Variants in EML5 observed in about 807,000 individuals in gnomAD.
EML5 encodes echinoderm microtubule-associated protein-like 5.
In EML5, 120 loss-of-function variants were observed where a neutral mutation model predicts 250.0. The ratio of observed to expected loss-of-function variants is 0.48; its 90% CI spans 0.41 to 0.56. The LOEUF is 0.56. EML5 is among the 20% of genes least tolerant of loss of function. EML5 has a pLI of 0.00. For synonymous variants in EML5, 771 were observed against 806.5 expected (o/e 0.96, Z 0.75); for missense variants, 2,006 against 2,437.6 (o/e 0.82, Z 3.73).
At chr14:88,643,072 T>C in intron 30 of EML5, 50 bp from the exon 31 acceptor site, 2 of 1,510,874 alleles carry the variant, frequency 1.3e-6, no homozygotes, top group East Asian at 2.5e-5. Flanking sequence ...GTATAAATGT[T>C]CACCACTGTT....
intron 8 of EML5, among the ~76,000 whole-genome samples, chr14:88,719,683 T>C (rs972278151): frequency 6.6e-5 from 10 of 152,136 alleles, no homozygotes; most frequent in Non-Finnish European, 1.0e-4. Context: ...CTTTTTTTTT[T>C]TTAAACAGAA....
At chr14:88,644,042 A>G (rs1479138072) in intron 30 of EML5, among the ~76,000 whole-genome samples, 2 of 152,192 alleles carry the variant, frequency 1.3e-5, no homozygotes, top group African/African-American at 4.8e-5. Context: ...AACCCTGTAC[A>G]GTGAATATAT....
intron 8 of EML5, among the ~76,000 whole-genome samples, chr14:88,716,895 C>T (rs1345251304): frequency 2.6e-5 from 4 of 152,086 alleles, no homozygotes; most frequent in Admixed American, 6.6e-5. Flanking sequence ...AAAGCAAAGA[C>T]GACAACTATT....
intron 7 of EML5, among the ~76,000 whole-genome samples, chr14:88,728,328 G>A (rs78025496): frequency 1.2e-5 from 1 of 83,118 alleles, no homozygotes; most frequent in Non-Finnish European, 2.7e-5. Context: ...TAATGCACCA[G>A]TTAGAAGCAC....
intron 36 of EML5, 153 bp downstream of exon 36, chr14:88,624,817 A>T: frequency 1.2e-6 from 1 of 836,728 alleles, no homozygotes; most frequent in Non-Finnish European, 1.8e-6. Context: ...AGAATCAAAT[A>T]GAAGGCACAT....
chr14:88,644,490 T>A lies in EML5; in HGVS notation c.4050A>T (p.Pro1350=). ...TTGTCTGGAGTTTCTCTGGCTGTGG[T>A]GGGGCCCTGCTCACTGGAGGCCTGC... ...RGSRPPVSRA[P]PQPEKLQTNN... is the part of the protein sequence containing the mutation. Residue 1350 remains proline (P), a synonymous_variant, in exon 30 of 44, where the codon CCA becomes CCT. Transcript: ENST00000554922. The A allele has an allele frequency of 1.2e-6, 2 of 1,613,706 alleles. No individual in the cohort carries two copies. Among genetic ancestry groups the A allele is most frequent in the Non-Finnish European group, 1.7e-6 (2 of 1,179,766 alleles).
chr14:88,638,648 C>CT (rs2090875633), intron 32 of EML5, among the ~76,000 whole-genome samples, 161 bp downstream of exon 32: 1 of 152,152 alleles, frequency 6.6e-6, no homozygotes. Context: ...AGAAAGGTAC[C>CT]TGAAAGCAAA....
chr14:88,735,800 T>C (rs542865406), intron 7 of EML5, among the ~76,000 whole-genome samples: 78 of 152,266 alleles, frequency 5.1e-4, no homozygotes, highest in Non-Finnish European at 1.8e-4. Flanking sequence ...GTTGAATAAA[T>C]TACAGTATAT....
rs767354957 is a variant in EML5, at chr14:88,736,520, A to G, written c.893T>C (p.Val298Ala). The change falls in exon 7 of 44, where the codon GTT becomes GCT. Residue 298 changes from valine to alanine, a missense_variant. Physicochemically the swap from Val to Ala is moderately conservative, Grantham distance 64. Coordinates refer to ENST00000554922, the MANE Select transcript of EML5 (RefSeq NM_183387.3). ...SVCWRGDHILVGTQDSEIFEI... is the reference protein window; with the variant it reads ...SVCWRGDHILAGTQDSEIFEI... ...AAAAATTTCACTGTCCTGTGTTCCA[A>G]CTAGAATGTGGTCACCTCGCCAACA... 5.0e-6 allele frequency: 8 copies of G among 1,613,902 alleles called. No homozygotes were observed. In the Admixed American group the frequency reaches 8.3e-5, roughly 17 times the overall value.
At chr14:88,739,903 C>A (rs779951316) in intron 5 of EML5, among the ~76,000 whole-genome samples, 5 of 152,184 alleles carry the variant, frequency 3.3e-5, no homozygotes, top group Non-Finnish European at 5.9e-5. Context: ...AACAACATGG[C>A]AGCTTTGTGC....
chr14:88,652,080 C>T (rs372383945), intron 27 of EML5, among the ~76,000 whole-genome samples: 25 of 152,280 alleles, frequency 1.6e-4, no homozygotes, highest in African/African-American at 3.4e-4. Context: ...TTGCACTATA[C>T]GATGCTGCAT....
chr14:88,636,180 G>A (rs891158508), intron 32 of EML5, among the ~76,000 whole-genome samples: 4 of 152,110 alleles, frequency 2.6e-5, no homozygotes, highest in Admixed American at 1.3e-4. Flanking sequence ...GAGGACAGAC[G>A]CAGAGAAAAG....
chr14:88,613,198 G>A lies in EML5; in HGVS notation c.*2620C>T, dbSNP rs2087077865. The A allele has an allele frequency of 6.6e-6, 1 of 152,160 alleles. No individual in the cohort carries two copies. Among genetic ancestry groups the A allele is most frequent in the Non-Finnish European group, 1.5e-5 (1 of 68,050 alleles). 9.4% of individuals were successfully genotyped at this position (152,160 alleles called of 1,614,324 possible). A position where few individuals can be genotyped will look rare whatever the true frequency, so the allele number is the denominator to read the frequency against. ...CCCACAGGAAAGGCTTGAAACACGA[G>A]AAGCAGCAAAGACAGAGCACACAAG... On this transcript the variant is annotated 3_prime_UTR_variant, in exon 44 of 44. Coordinates refer to ENST00000554922, the MANE Select transcript of EML5 (RefSeq NM_183387.3).
chr14:88,746,373 A>G, intron 2 of EML5, 90 bp from the exon 3 acceptor site: 2 of 1,026,666 alleles, frequency 1.9e-6, no homozygotes, highest in East Asian at 2.4e-5. Context: ...AATTATACTC[A>G]TGGGTTTTTA....
intron 33 of EML5, chr14:88,628,069 A>G (rs2090150192): frequency 2.0e-6 from 1 of 504,914 alleles, no homozygotes; most frequent in Non-Finnish European, 3.6e-6. Context: ...TTTTGGAAAA[A>G]CAGCATTTAG....
intron 21 of EML5, among the ~76,000 whole-genome samples, chr14:88,672,541 C>A (rs1160048495): frequency 1.3e-5 from 2 of 151,622 alleles, no homozygotes; most frequent in African/African-American, 4.8e-5. Context: ...AAGAAATAAC[C>A]AAGATCAGAG....
intron 1 of EML5, among the ~76,000 whole-genome samples, chr14:88,783,176 T>A (rs1213044365): frequency 6.6e-6 from 1 of 152,210 alleles, no homozygotes; most frequent in East Asian, 1.9e-4. Context: ...ATGGAGAACC[T>A]CTGCTAGGGA....
At chr14:88,616,291 T>G (rs1369375232) in intron 42 of EML5, 49 bp from the exon 43 acceptor site, 1 of 1,543,020 alleles carries the variant, frequency 6.5e-7, no homozygotes, top group East Asian at 2.2e-5. Flanking sequence ...CACACAGAAG[T>G]CAAAGGCTCT....
intron 31 of EML5, among the ~76,000 whole-genome samples, chr14:88,642,416 T>C (rs1012997184): frequency 1.3e-5 from 2 of 152,184 alleles, no homozygotes; most frequent in Non-Finnish European, 2.9e-5. Context: ...GGTATCATCA[T>C]AGAGCCACAG....
Sources: allele counts gnomAD v4.1 joint callset (sites outside exome capture counted in the v4.1 genomes callset), GRCh38; gene constraint gnomAD v4.1.1; transcripts MANE v1.5; gene names NCBI Gene and HGNC (gene_info 2026-07-23, HGNC 2026-07-21).